Variants in TDRD3 observed in about 807,000 individuals in gnomAD.
TDRD3 encodes tudor domain-containing protein 3.
TDRD3 carries 45 observed loss-of-function variants against 86.7 expected under a neutral mutation model. The ratio of observed to expected loss-of-function variants is 0.52; its 90% CI spans 0.41 to 0.67. TDRD3 has a LOEUF of 0.67. Ranked by LOEUF, TDRD3 falls within the 30% of genes least tolerant of loss-of-function variation. The pLI is 0.00. For synonymous variants in TDRD3, 298 were observed against 301.7 expected (o/e 0.99, Z 0.13); for missense variants, 814 against 889.0 (o/e 0.92, Z 1.07).
chr13:60,512,950 C>G (rs1957091074), intron 10 of TDRD3, among the ~76,000 whole-genome samples: 1 of 152,192 alleles, frequency 6.6e-6, no homozygotes, highest in African/African-American at 2.4e-5. Context: ...CAGTGGTGAA[C>G]TCTGTGTGGG....
chr13:60,428,710 A>G (rs1397158529), intron 1 of TDRD3, among the ~76,000 whole-genome samples: 1 of 152,212 alleles, frequency 6.6e-6, no homozygotes, highest in Non-Finnish European at 1.5e-5. Context: ...ATCCTGAGAC[A>G]AAGCCTTGTG....
At chr13:60,422,526 A>G (rs1473112094) in intron 1 of TDRD3, among the ~76,000 whole-genome samples, 1 of 152,224 alleles carries the variant, frequency 6.6e-6, no homozygotes, top group East Asian at 1.9e-4. Flanking sequence ...AGCATTTGGA[A>G]GTATGAAAAA....
chr13:60,398,503 G>A (rs1237521275), intron 1 of TDRD3, among the ~76,000 whole-genome samples: 1 of 152,204 alleles, frequency 6.6e-6, no homozygotes, highest in Non-Finnish European at 1.5e-5. Flanking sequence ...TATATGGTTC[G>A]TGAAAGATGT....
chr13:60,435,874 A>G (rs1955077163), intron 1 of TDRD3, among the ~76,000 whole-genome samples: 1 of 151,056 alleles, frequency 6.6e-6, no homozygotes, highest in Non-Finnish European at 1.5e-5. Flanking sequence ...GTAGCAATTT[A>G]CATTTCTGCC....
intron 12 of TDRD3, among the ~76,000 whole-genome samples, chr13:60,556,650 T>A (rs1013975931): frequency 1.3e-5 from 2 of 152,168 alleles, no homozygotes; most frequent in Non-Finnish European, 2.9e-5. Flanking sequence ...ATTTATATAT[T>A]GCCTAATAGA....
At chr13:60,432,713 T>C (rs1189526336) in intron 1 of TDRD3, among the ~76,000 whole-genome samples, 1 of 152,194 alleles carries the variant, frequency 6.6e-6, no homozygotes, top group Non-Finnish European at 1.5e-5. Context: ...ACTTCCATAT[T>C]TGCTAAGATC....
chr13:60,568,914 A>G (rs1189051030), intron 13 of TDRD3, among the ~76,000 whole-genome samples: 4 of 152,204 alleles, frequency 2.6e-5, no homozygotes, highest in African/African-American at 7.2e-5. Context: ...TACAAAATCA[A>G]CATACAAAAA....
At chr13:60,534,975 A>G in intron 11 of TDRD3, 133 bp from the exon 12 acceptor site, 9 of 952,114 alleles carry the variant, frequency 9.5e-6, no homozygotes, top group East Asian at 2.8e-5. Context: ...GTGACTCAAA[A>G]GGGTTCCAAA....
rs182930396 is a variant in TDRD3, at chr13:60,475,099, A to G, written c.495+7720A>G. ...TCCTTTTTTTTTTCTTCCTATTTTT[A>G]TTTTAGGTTAAGGAGGTGCATGTGC... On this transcript the variant is annotated intron_variant, in intron 5 of 13. Coordinates refer to ENST00000377881, the MANE Select transcript of TDRD3 (RefSeq NM_001146070.2). Among the ~76,000 whole-genome samples, 405 of 126,378 alleles carry G rather than the reference A, an allele frequency of 3.2e-3. 1 individual carries two copies. Among genetic ancestry groups the G allele is most frequent in the Middle Eastern group, 0.013 (3 of 234 alleles). The allele number at this position is 126,378 out of a possible 152,430, so 82.9% of individuals were successfully genotyped here. A position where few individuals can be genotyped will look rare whatever the true frequency, so the allele number is the denominator to read the frequency against.
intron 1 of TDRD3, among the ~76,000 whole-genome samples, chr13:60,433,699 T>C (rs1329341155): frequency 6.6e-6 from 1 of 152,258 alleles, no homozygotes; most frequent in Non-Finnish European, 1.5e-5. Flanking sequence ...GCTTGTACAC[T>C]GCTTTACGGA....
intron 12 of TDRD3, among the ~76,000 whole-genome samples, chr13:60,541,901 A>G (rs1957825338): frequency 6.6e-6 from 1 of 151,164 alleles, no homozygotes; most frequent in Non-Finnish European, 1.5e-5. Context: ...CTAATTTTGT[A>G]TTTTTAGTAG....
chr13:60,500,116 T>G (rs1371884684), intron 8 of TDRD3, among the ~76,000 whole-genome samples: 1 of 152,196 alleles, frequency 6.6e-6, no homozygotes, highest in African/African-American at 2.4e-5. Flanking sequence ...GGATAACTGC[T>G]CTTTTTTTGA....
chr13:60,527,618 G>T (rs986891278), intron 10 of TDRD3, among the ~76,000 whole-genome samples: 1 of 152,134 alleles, frequency 6.6e-6, no homozygotes, highest in Non-Finnish European at 1.5e-5. Context: ...AAATCACTAT[G>T]TGAAATACAG....
intron 10 of TDRD3, among the ~76,000 whole-genome samples, chr13:60,511,298 A>G (rs1465584112): frequency 6.6e-6 from 1 of 152,196 alleles, no homozygotes; most frequent in East Asian, 1.9e-4. Context: ...TACAATCCAA[A>G]AAGTTAAGGA....
At chr13:60,417,028 T>TC (rs979091994) in intron 1 of TDRD3, among the ~76,000 whole-genome samples, 1 of 151,862 alleles carries the variant, frequency 6.6e-6, no homozygotes, top group Non-Finnish European at 1.5e-5. Context: ...TCTTTTTTTT[T>TC]TTTTTTGAGT....
At chr13:60,448,850 G>A (rs1214064482) in intron 3 of TDRD3, among the ~76,000 whole-genome samples, 5 of 152,062 alleles carry the variant, frequency 3.3e-5, no homozygotes, top group Non-Finnish European at 7.4e-5. Flanking sequence ...AAACCTAGGC[G>A]TAAAAGTTAA....
At chr13:60,413,878 A>C (rs2137838076) in intron 1 of TDRD3, among the ~76,000 whole-genome samples, 1 of 152,260 alleles carries the variant, frequency 6.6e-6, no homozygotes, top group South Asian at 2.1e-4. Flanking sequence ...TAAAGATAAA[A>C]GGTACAGGTA....
chr13:60,488,304 A>G (rs567634192), intron 7 of TDRD3, among the ~76,000 whole-genome samples: 1 of 152,290 alleles, frequency 6.6e-6, no homozygotes, highest in South Asian at 2.1e-4. Flanking sequence ...GATCTGGTTA[A>G]TTTTAGTTCT....
At chr13:60,417,469 G>A (rs1954553038) in intron 1 of TDRD3, among the ~76,000 whole-genome samples, 1 of 151,322 alleles carries the variant, frequency 6.6e-6, no homozygotes, top group South Asian at 2.1e-4. Context: ...AGCCTCCTGA[G>A]TAGCTGGGAT....
Sources: allele counts gnomAD v4.1 joint callset (sites outside exome capture counted in the v4.1 genomes callset), GRCh38; gene constraint gnomAD v4.1.1; transcripts MANE v1.5; gene names NCBI Gene and HGNC (gene_info 2026-07-23, HGNC 2026-07-21).